The following CACNA1D variants were observed in gnomAD, a reference collection of about 807,000 sequenced individuals.
CACNA1D encodes voltage-dependent L-type calcium channel subunit alpha-1D.
A neutral mutation model predicts 257.1 loss-of-function variants in CACNA1D; 55 were observed. The observed-to-expected ratio is 0.21, with a 90% CI of 0.17 to 0.27. CACNA1D has a LOEUF of 0.27. CACNA1D is among the 10% of genes least tolerant of loss of function. The pLI, the probability that CACNA1D is intolerant of heterozygous loss-of-function variation, is 1.00. For synonymous variants in CACNA1D, 980 were observed against 1,014.9 expected (o/e 0.97, Z 0.65); for missense variants, 1,876 against 2,784.0 (o/e 0.67, Z 7.34).
chr3:53,552,776 C>G (rs2092561567), intron 3 of CACNA1D, among the ~76,000 whole-genome samples: 1 of 152,206 alleles, frequency 6.6e-6, no homozygotes, highest in African/African-American at 2.4e-5. Flanking sequence ...CATGTTACCA[C>G]TTTACCCTCC....
At chr3:53,584,924 A>G (rs1157700213) in intron 3 of CACNA1D, among the ~76,000 whole-genome samples, 2 of 152,006 alleles carry the variant, frequency 1.3e-5, no homozygotes, top group Non-Finnish European at 2.9e-5. Context: ...GGAAAAATAC[A>G]ATGTCTCAAT....
chr3:53,762,320 C>A (rs916762715), intron 30 of CACNA1D, among the ~76,000 whole-genome samples: 1 of 152,220 alleles, frequency 6.6e-6, no homozygotes, highest in Admixed American at 6.5e-5. Context: ...GCAGCATTTA[C>A]CCTGGTCACT....
At chr3:53,553,280 A>G (rs2092571953) in intron 3 of CACNA1D, among the ~76,000 whole-genome samples, 1 of 152,366 alleles carries the variant, frequency 6.6e-6, no homozygotes, top group East Asian at 1.9e-4. Context: ...TGTGTTCAAC[A>G]CAATCCCTGC....
intron 3 of CACNA1D, among the ~76,000 whole-genome samples, chr3:53,542,111 G>A (rs1291480560): frequency 6.6e-6 from 1 of 152,058 alleles, no homozygotes; most frequent in Admixed American, 6.6e-5. Context: ...TATATTAAAA[G>A]CCATTAAATT....
chr3:53,563,296 G>A (rs1480058317), intron 3 of CACNA1D, among the ~76,000 whole-genome samples: 3 of 152,112 alleles, frequency 2.0e-5, no homozygotes, highest in Admixed American at 2.0e-4. Flanking sequence ...GGCCAAGGCG[G>A]ATGGATCACC....
At chr3:53,566,210 G>A (rs569738215) in intron 3 of CACNA1D, among the ~76,000 whole-genome samples, 2 of 152,248 alleles carry the variant, frequency 1.3e-5, no homozygotes, top group South Asian at 4.1e-4. Context: ...TCTTACCATA[G>A]CCTGGAGAAT....
At chr3:53,637,008 A>C (rs6802195) in intron 3 of CACNA1D, among the ~76,000 whole-genome samples, 9,251 of 152,244 alleles carry the variant, frequency 0.061, 924 homozygotes, top group African/African-American at 0.21. Flanking sequence ...CATCTTTACA[A>C]TGGTCTTATT....
chr3:53,643,763 C>T (rs1404874722), intron 3 of CACNA1D, among the ~76,000 whole-genome samples: 1 of 152,258 alleles, frequency 6.6e-6, no homozygotes, highest in Non-Finnish European at 1.5e-5. Context: ...GTCCCTGCAG[C>T]CTGTCCCTTC....
intron 3 of CACNA1D, among the ~76,000 whole-genome samples, chr3:53,595,443 G>A (rs2093358053): frequency 6.6e-6 from 1 of 152,204 alleles, no homozygotes; most frequent in Non-Finnish European, 1.5e-5. Context: ...TTCACCCACA[G>A]TATAGGGTTG....
At chr3:53,577,981 G>A (rs1241375030) in intron 3 of CACNA1D, among the ~76,000 whole-genome samples, 1 of 151,818 alleles carries the variant, frequency 6.6e-6, no homozygotes, top group Non-Finnish European at 1.5e-5. Context: ...GGTATGGCAG[G>A]GGGAAATTTC....
At chr3:53,764,330 G>C (rs979081126) in intron 30 of CACNA1D, among the ~76,000 whole-genome samples, 3 of 152,228 alleles carry the variant, frequency 2.0e-5, no homozygotes, top group Non-Finnish European at 4.4e-5. Context: ...ACAACGCAAA[G>C]TGCTTACAAT....
intron 37 of CACNA1D, 98 bp from the exon 38 acceptor site, chr3:53,779,928 A>G (rs1426705920): frequency 2.2e-6 from 2 of 895,344 alleles, no homozygotes; most frequent in African/African-American, 3.3e-5. Context: ...GGTTGACTAG[A>G]AAAGAGATGA....
chr3:53,527,744 C>A (rs778688435), intron 3 of CACNA1D, among the ~76,000 whole-genome samples: 1 of 152,094 alleles, frequency 6.6e-6, no homozygotes, highest in Non-Finnish European at 1.5e-5. Flanking sequence ...ATAATTATGG[C>A]ATTAATTATT....
chr3:53,556,451 G>T (rs62251870), intron 3 of CACNA1D, among the ~76,000 whole-genome samples: 1 of 152,064 alleles, frequency 6.6e-6, no homozygotes, highest in Non-Finnish European at 1.5e-5. Context: ...TAATAGGTGC[G>T]TAGTAGTATC....
In CACNA1D at chr3:53,749,687, C is replaced by T. The variant is rs578262826; in HGVS notation, c.3516+218C>T. On this transcript the variant is annotated intron_variant, in intron 27 of 47. Coordinates refer to ENST00000350061, the MANE Select transcript of CACNA1D (RefSeq NM_001128840.3). ...GAGACTTTGTAATTATGAAATCCAT[C>T]GCCAGACCTGGTGGTATGAAATCAG... Among the ~76,000 whole-genome samples, 14 of 152,322 alleles carry T rather than the reference C, an allele frequency of 9.2e-5. No homozygotes were observed. In the South Asian group the frequency reaches 2.7e-3, roughly 29 times the overall value.
At position 53,732,089 on chromosome 3, in the gene CACNA1D, TGGC is replaced by T. The variant is rs1202346710; in HGVS notation, c.2473+10_2473+12del. On this transcript the variant is annotated splice_region_variant and intron_variant, in intron 18 of 47. Transcript: ENST00000350061. ...CCGCCTTGCGATGTGCCAGGTATGG[TGGC>T]GGAGGCCGGAGACGCTGGCTTTGCT... 3 of 1,607,396 alleles carry T rather than the reference TGGC, an allele frequency of 1.9e-6. No individual in the cohort carries two copies. The East Asian group carries it at 6.7e-5, about 36-fold the overall frequency.
chr3:53,702,559 C>G, intron 8 of CACNA1D, 82 bp from the exon 9 acceptor site: 1 of 1,340,938 alleles, frequency 7.5e-7, no homozygotes, highest in Non-Finnish European at 1.1e-6. Flanking sequence ...GCCCACAAGA[C>G]TGTTGTGCAG....
chr3:53,579,764 A>G (rs909640158), intron 3 of CACNA1D, among the ~76,000 whole-genome samples: 2 of 152,188 alleles, frequency 1.3e-5, no homozygotes, highest in African/African-American at 4.8e-5. Flanking sequence ...GCTCTGACCT[A>G]TCAGGTGTGA....
chr3:53,712,511 C>T (rs954915281), intron 9 of CACNA1D, among the ~76,000 whole-genome samples: 1 of 152,152 alleles, frequency 6.6e-6, no homozygotes, highest in African/African-American at 2.4e-5. Context: ...CTGTGGTGGC[C>T]TAATGTGTCT....
Sources: allele counts gnomAD v4.1 joint callset (sites outside exome capture counted in the v4.1 genomes callset), GRCh38; gene constraint gnomAD v4.1.1; transcripts MANE v1.5; gene names NCBI Gene and HGNC (gene_info 2026-07-23, HGNC 2026-07-21).